Variants in UTP18 observed in about 807,000 individuals in gnomAD.
UTP18 encodes the protein U3 small nucleolar RNA-associated protein 18 homolog.
In UTP18, 36 loss-of-function variants were observed where a neutral mutation model predicts 61.1. The observed-to-expected ratio is 0.59, with a 90% confidence interval of 0.45 to 0.78. The LOEUF (loss-of-function observed/expected upper bound fraction) is 0.78, where lower values mean the gene tolerates loss of function less well. Ranked by LOEUF, UTP18 falls within the 30% of genes least tolerant of loss-of-function variation. UTP18 has a pLI of 0.00. For synonymous variants in UTP18, 282 were observed against 251.1 expected, an observed-to-expected ratio of 1.12 and a Z score of -1.16; for missense variants, 753 against 693.9, an observed-to-expected ratio of 1.09 and a Z score of -0.96.
chr17:51,297,721 G>A (rs1293508325), intron 13 of UTP18, 61 bp from the exon 14 acceptor site: 14 of 435,134 alleles, frequency 3.2e-5, no homozygotes, highest in South Asian at 1.8e-4. Context: ...TTGCCAGTAC[G>A]TGTCTGTTGA....
intron 11 of UTP18, among the ~76,000 whole-genome samples, chr17:51,289,552 T>C (rs894013910): frequency 6.6e-6 from 1 of 152,078 alleles, no homozygotes; most frequent in African/African-American, 2.4e-5. Context: ...TAAACTCTTT[T>C]CTGCCCAACA....
intron 9 of UTP18, 110 bp from the exon 10 acceptor site, chr17:51,285,135 T>C: frequency 9.0e-7 from 1 of 1,113,356 alleles, no homozygotes; most frequent in Non-Finnish European, 1.3e-6. Flanking sequence ...TTATAATAGG[T>C]CTGTATTTGT....
Position 51,262,745 on chromosome 17 carries a change from T to A in UTP18, c.343-529T>A, listed in dbSNP as rs2144387916. Among the ~76,000 whole-genome samples, 4 of 152,108 alleles carry A rather than the reference T, an allele frequency of 2.6e-5. 1 individual carries two copies. Among genetic ancestry groups the A allele is most frequent in the Admixed American group, 2.6e-4 (4 of 15,270 alleles). On this transcript the variant is annotated intron_variant, in intron 1 of 13. Transcript: ENST00000225298. Reference sequence around the variant, plus strand: ...TTAAAAATTTTCTGTAGAGACGAGATCTCCCTATGTTGCCCAGGCTGGACT... The same window carrying A: ...TTAAAAATTTTCTGTAGAGACGAGAACTCCCTATGTTGCCCAGGCTGGACT...
Position 51,286,130 on chromosome 17 carries a change from G to A in UTP18, c.1328+762G>A, listed in dbSNP as rs57046248. On this transcript the variant is annotated intron_variant, in intron 10 of 13. Transcript: ENST00000225298. ...CTAGGAAATACCATTTGATAGTATT[G>A]TAGAAACTTTAAAAATATTATCTAG... 4.5e-3 allele frequency among the ~76,000 whole-genome samples: 679 copies of A among 152,242 alleles called. 3 individuals carry two copies. Among genetic ancestry groups the A allele is most frequent in the African/African-American group, 0.016 (654 of 41,552 alleles).
intron 7 of UTP18, among the ~76,000 whole-genome samples, chr17:51,278,469 A>G (rs1904804260): frequency 1.3e-5 from 2 of 152,270 alleles, no homozygotes; most frequent in Non-Finnish European, 2.9e-5. Context: ...TCTTGAGAGA[A>G]AGCGCACCAT....
intron 8 of UTP18, 97 bp from the exon 9 acceptor site, chr17:51,280,292 G>A: frequency 7.1e-7 from 1 of 1,402,770 alleles, no homozygotes; most frequent in Non-Finnish European, 9.8e-7. Context: ...AGTTGAGTAG[G>A]TGCTAGAAAA....
intron 3 of UTP18, among the ~76,000 whole-genome samples, chr17:51,267,779 T>C (rs1013552060): frequency 6.6e-6 from 1 of 152,068 alleles, no homozygotes; most frequent in African/African-American, 2.4e-5. Flanking sequence ...GGGGAAAATT[T>C]GTGGTGGTGA....
In UTP18 at chr17:51,275,979, A is replaced by G; in HGVS notation, c.825A>G (p.Val275=). ...IVMVAGLDNA[V]SLFQVDGKTN... ...TGGTTGCTGGATTAGATAATGCTGT[A>G]TCACTATTTCAGGTATGCATCTTTA... The change falls in exon 6 of 14, where the codon GTA becomes GTG. Residue 275 remains valine, a synonymous_variant. Transcript: ENST00000225298. 6.2e-7 allele frequency: 1 copy of G among 1,608,986 alleles called. No homozygotes were observed. The highest frequency in any genetic ancestry group is 1.1e-5 in the South Asian group (1 of 90,070).
Position 51,266,212 on chromosome 17 carries a change from G to T in UTP18, c.486G>T (p.Lys162Asn). The T allele has an allele frequency of 6.3e-7, 1 of 1,599,592 alleles. No homozygotes were observed. Among genetic ancestry groups the T allele is most frequent in the South Asian group, 1.1e-5 (1 of 87,940 alleles). ...ACATGATGAACAATCGGTTTCGGAA[G>T]GATATGATGAAAAATGCTAGTGAAA... The part of the protein sequence containing the change: ...MVDMMNNRFR[K>N]DMMKNASESK... The change falls in exon 3 of 14, where the codon AAG becomes AAT. Residue 162 changes from lysine to asparagine, a missense_variant. Lys to Asn is a moderately conservative substitution (Grantham distance 94). Coordinates refer to ENST00000225298, the MANE Select transcript of UTP18 (RefSeq NM_016001.3).
intron 2 of UTP18, among the ~76,000 whole-genome samples, chr17:51,264,043 A>G (rs2055534962): frequency 7.1e-6 from 1 of 141,188 alleles, no homozygotes; most frequent in African/African-American, 2.7e-5. Flanking sequence ...TTTTTTTTTA[A>G]TTATTTTTTT....
At chr17:51,276,803 C>G (rs1164240298) in intron 6 of UTP18, among the ~76,000 whole-genome samples, 1 of 152,202 alleles carries the variant, frequency 6.6e-6, no homozygotes, top group African/African-American at 2.4e-5. Flanking sequence ...ATCTCCTTAT[C>G]TGTGGGTGGA....
Position 51,285,348 on chromosome 17 carries a change from T to A in UTP18, c.1308T>A (p.Asn436Lys), listed in dbSNP as rs977750915. 3 of 1,613,624 alleles carry A rather than the reference T, an allele frequency of 1.9e-6. No individual in the cohort carries two copies. The highest frequency in any genetic ancestry group is 3.3e-5 in the Admixed American group (2 of 60,008). The part of the protein sequence containing the change: ...LYGLSIATSR[N>K]GQYVACGSNC... ...GATTAAGCATTGCCACATCTAGGAA[T>A]GGACAGTATGTTGCTTGTGGGTAAG... Residue 436 changes from asparagine (N) to lysine (K), a missense_variant, in exon 10 of 14, where the codon AAT becomes AAA. Physicochemically the swap from Asn to Lys is moderately conservative, Grantham distance 94 (BLOSUM62 0). Transcript: ENST00000225298.
At chr17:51,279,141 G>A (rs572535398) in intron 7 of UTP18, among the ~76,000 whole-genome samples, 3 of 152,140 alleles carry the variant, frequency 2.0e-5, no homozygotes, top group South Asian at 2.1e-4. Flanking sequence ...ATATTCACAC[G>A]GTGTTAAAAA....
intron 1 of UTP18, among the ~76,000 whole-genome samples, 170 bp downstream of exon 1, chr17:51,261,096 C>T (rs2055458933): frequency 6.6e-6 from 1 of 152,240 alleles, no homozygotes; most frequent in South Asian, 2.1e-4. Flanking sequence ...CCCTCGCCTC[C>T]CTGCTCCAGA....
At chr17:51,274,096 T>A (rs1904632616) in intron 5 of UTP18, among the ~76,000 whole-genome samples, 1 of 152,250 alleles carries the variant, frequency 6.6e-6, no homozygotes. Flanking sequence ...ATTTCCCACT[T>A]GAGTCACACA....
chr17:51,285,588 T>C (rs1207549430), intron 10 of UTP18, among the ~76,000 whole-genome samples: 1 of 152,238 alleles, frequency 6.6e-6, no homozygotes, highest in Non-Finnish European at 1.5e-5. Context: ...TTTCACTGTT[T>C]GTGGTTTTAG....
chr17:51,261,161 C>G (rs1486865093), intron 1 of UTP18, among the ~76,000 whole-genome samples: 1 of 152,252 alleles, frequency 6.6e-6, no homozygotes, highest in Non-Finnish European at 1.5e-5. Flanking sequence ...GGAGGCGCCG[C>G]TGCTCGGGTA....
chr17:51,285,183 G>A (rs142315988), intron 9 of UTP18, 62 bp from the exon 10 acceptor site: 7 of 1,600,160 alleles, frequency 4.4e-6, no homozygotes, highest in East Asian at 2.2e-5. Flanking sequence ...AGAGTGGCCA[G>A]TTTACTTGCC....
At chr17:51,293,872 AC>A in intron 11 of UTP18, 30 bp from the exon 12 acceptor site, 4 of 1,487,734 alleles carry the variant, frequency 2.7e-6, no homozygotes, top group Non-Finnish European at 3.6e-6. Context: ...CCCAGTTGTT[AC>A]ACTTTAAAGT....
Sources: gnomAD v4.1 joint callset for allele counts (sites outside exome capture counted in the v4.1 genomes callset) on GRCh38, gnomAD v4.1.1 for gene constraint, MANE v1.5 for transcripts, NCBI Gene and HGNC (gene_info 2026-07-23, HGNC 2026-07-21) for gene names.